Variants in THSD7B observed in about 807,000 individuals in gnomAD.
THSD7B encodes the protein thrombospondin type 1 domain containing 7B, also known as thrombospondin type-1 domain-containing protein 7B.
Under a neutral mutation model 213.6 loss-of-function variants are expected in THSD7B, and 138 were observed. The observed-to-expected ratio is 0.65, with a 90% CI of 0.56 to 0.74. The LOEUF (loss-of-function observed/expected upper bound fraction) is 0.74. THSD7B is among the 30% of genes least tolerant of loss of function. THSD7B has a pLI of 0.00. For missense variants in THSD7B, 1,931 were observed against 1,991.5 expected, an observed-to-expected ratio of 0.97 and a Z score of 0.58; for synonymous variants, 742 against 687.0, an observed-to-expected ratio of 1.08 and a Z score of -1.25.
At chr2:137,072,666 G>A (rs1254285343) in intron 3 of THSD7B, among the ~76,000 whole-genome samples, 6 of 152,174 alleles carry the variant, frequency 3.9e-5, no homozygotes, top group Admixed American at 1.3e-4. Flanking sequence ...GAGAGGGGGC[G>A]TCCCTGTCTT....
intron 2 of THSD7B, among the ~76,000 whole-genome samples, chr2:136,940,184 C>A (rs1346737): frequency 0.2 from 30,035 of 151,914 alleles, 3,235 homozygotes; most frequent in African/African-American, 0.28. Context: ...ACCCTCCAAC[C>A]CTTCCTAATC....
intron 5 of THSD7B, among the ~76,000 whole-genome samples, chr2:137,119,462 C>T (rs1457403495): frequency 6.6e-6 from 1 of 152,168 alleles, no homozygotes; most frequent in East Asian, 1.9e-4. Flanking sequence ...TTATTGATGC[C>T]CAAGAGTAAT....
chr2:137,415,513 T>C (rs2080074618), intron 14 of THSD7B, among the ~76,000 whole-genome samples: 1 of 152,144 alleles, frequency 6.6e-6, no homozygotes, highest in Admixed American at 6.5e-5. Flanking sequence ...ATGAGTTCCA[T>C]CACTGCCTGA....
chr2:137,445,639 A>G (rs1687521014), intron 14 of THSD7B, among the ~76,000 whole-genome samples: 1 of 151,938 alleles, frequency 6.6e-6, no homozygotes, highest in African/African-American at 2.4e-5. Context: ...GAGGAAAGAC[A>G]GGTTGATTAA....
At chr2:136,831,017 A>T (rs964441188) in intron 1 of THSD7B, among the ~76,000 whole-genome samples, 1 of 152,194 alleles carries the variant, frequency 6.6e-6, no homozygotes, top group Middle Eastern at 3.4e-3. Flanking sequence ...TCAACTAGTA[A>T]TTGCTATCAA....
intron 2 of THSD7B, among the ~76,000 whole-genome samples, chr2:136,971,228 A>G (rs1251025063): frequency 1.3e-5 from 2 of 152,194 alleles, no homozygotes; most frequent in Non-Finnish European, 2.9e-5. Context: ...CATGAAGGGT[A>G]CTGTTAATTT....
At chr2:137,479,432 G>A in intron 15 of THSD7B, 1 of 341,986 alleles carries the variant, frequency 2.9e-6, no homozygotes, top group South Asian at 2.2e-5. Flanking sequence ...GCAGGTGCTG[G>A]CTGTGGCAGA....
At chr2:137,666,536 T>C (rs890849199) in intron 26 of THSD7B, among the ~76,000 whole-genome samples, 1 of 128,784 alleles carries the variant, frequency 7.8e-6, no homozygotes, top group Admixed American at 7.7e-5. Flanking sequence ...TTTGATTGAT[T>C]TCCCCCCCCC....
At chr2:136,883,453 A>C (rs59161357) in intron 2 of THSD7B, among the ~76,000 whole-genome samples, 1 of 150,648 alleles carries the variant, frequency 6.6e-6, no homozygotes, top group East Asian at 1.9e-4. Flanking sequence ...ACTGATTTGC[A>C]TTTTTTTTTC....
chr2:136,923,783 C>T (rs1185496659), intron 2 of THSD7B, among the ~76,000 whole-genome samples: 6 of 152,162 alleles, frequency 3.9e-5, no homozygotes, highest in South Asian at 2.1e-4. Context: ...AAGTTCTTTA[C>T]CTATTTTTTA....
At chr2:137,629,509 C>T (rs527946297) in intron 20 of THSD7B, among the ~76,000 whole-genome samples, 1 of 152,148 alleles carries the variant, frequency 6.6e-6, no homozygotes, top group Non-Finnish European at 1.5e-5. Context: ...TGTCTACAAA[C>T]AACAAAAACC....
intron 15 of THSD7B, among the ~76,000 whole-genome samples, chr2:137,471,501 A>C (rs1688094457): frequency 6.6e-6 from 1 of 151,700 alleles, no homozygotes; most frequent in Non-Finnish European, 1.5e-5. Context: ...TGTGGTTTGC[A>C]CTTCTGCTTG....
At chr2:137,294,915 T>G (rs1450542077) in intron 12 of THSD7B, among the ~76,000 whole-genome samples, 1 of 152,122 alleles carries the variant, frequency 6.6e-6, no homozygotes, top group Non-Finnish European at 1.5e-5. Flanking sequence ...TTTTCTTGTA[T>G]TCACAGAATT....
intron 10 of THSD7B, among the ~76,000 whole-genome samples, chr2:137,255,196 G>T (rs1344594356): frequency 6.6e-6 from 1 of 152,074 alleles, no homozygotes; most frequent in Admixed American, 6.6e-5. Flanking sequence ...AAAGCAGAGG[G>T]AGATCAAAAT....
chr2:137,332,700 G>A (rs1426109882), intron 12 of THSD7B, among the ~76,000 whole-genome samples: 1 of 152,124 alleles, frequency 6.6e-6, no homozygotes, highest in Non-Finnish European at 1.5e-5. Context: ...AGAGGGATCT[G>A]GTGAGAGGTA....
chr2:137,630,116 C>A (rs1474228647), intron 20 of THSD7B, among the ~76,000 whole-genome samples: 1 of 152,060 alleles, frequency 6.6e-6, no homozygotes, highest in Non-Finnish European at 1.5e-5. Context: ...TCTTCAGCCT[C>A]CCAAGTAGCT....
intron 10 of THSD7B, among the ~76,000 whole-genome samples, chr2:137,242,922 A>G (rs1321281572): frequency 1.3e-5 from 2 of 152,094 alleles, no homozygotes; most frequent in Non-Finnish European, 2.9e-5. Flanking sequence ...GTGTGTCTGG[A>G]CCCCAGTTCC....
At chr2:136,915,126 T>A (rs559343474) in intron 2 of THSD7B, among the ~76,000 whole-genome samples, 21 of 152,306 alleles carry the variant, frequency 1.4e-4, no homozygotes, top group African/African-American at 4.3e-4. Context: ...TGGTTTTATC[T>A]CTAGGGGAAG....
intron 14 of THSD7B, among the ~76,000 whole-genome samples, chr2:137,414,335 A>G (rs1020360063): frequency 3.9e-5 from 6 of 151,968 alleles, no homozygotes; most frequent in Non-Finnish European, 8.8e-5. Flanking sequence ...TTCTAGGGAT[A>G]TGACATATAC....
Sources: allele counts gnomAD v4.1 joint callset (sites outside exome capture counted in the v4.1 genomes callset), GRCh38; gene constraint gnomAD v4.1.1; transcripts MANE v1.5; gene names NCBI Gene and HGNC (gene_info 2026-07-23, HGNC 2026-07-21).